The following STRA6 variants were observed in gnomAD, a reference collection of about 807,000 sequenced individuals.
STRA6 encodes signaling receptor and transporter of retinol STRA6, also known as receptor for retinol uptake STRA6.
Under a neutral mutation model 83.6 loss-of-function variants are expected in STRA6, and 48 were observed. The observed-to-expected ratio is 0.57, with a 90% CI of 0.46 to 0.73. The LOEUF (loss-of-function observed/expected upper bound fraction) is 0.73. Ranked by LOEUF, STRA6 falls within the 30% of genes least tolerant of loss-of-function variation. STRA6 has a pLI of 0.00. For synonymous variants in STRA6, 353 were observed against 362.3 expected (o/e 0.97, Z 0.29); for missense variants, 760 against 838.8 (o/e 0.91, Z 1.16).
chr15:74,197,542 A>G lies in STRA6; in HGVS notation c.181-119T>C, dbSNP rs351218. ...TACCTGCCCAGTGCACACTCATGTG[A>G]CATCTTGGGGACTGGTCAAGGGGTG... On this transcript the variant is annotated intron_variant, in intron 3 of 18. Transcript: ENST00000395105. The G allele has an allele frequency of 1, 1,076,535 of 1,077,616 alleles. 537,736 individuals carry two copies. Among genetic ancestry groups the G allele is most frequent in the East Asian group, 1 (38,802 of 38,802 alleles). 66.8% of individuals were successfully genotyped at this position (1,077,616 alleles called of 1,614,324 possible).
Position 74,180,898 on chromosome 15 carries a change from C to G in STRA6, c.1724G>C (p.Ser575Thr). ...TYRNFLKIEV[S>T]QSHPAMTAFC... The stretch of plus-strand genomic sequence containing the variant: ...GGCTGTCATGGCTGGATGCGACTGG[C>G]TGACTTCAATCTTCAAGAAGTTTCG... Residue 575 changes from serine (S) to threonine (T), a missense_variant, in exon 18 of 19, where the codon AGC becomes ACC. Physicochemically the swap from Ser to Thr is moderately conservative, Grantham distance 58. Coordinates refer to ENST00000395105, the MANE Select transcript of STRA6 (RefSeq NM_022369.4). 1 of 1,614,056 alleles carries G rather than the reference C, an allele frequency of 6.2e-7. No individual in the cohort carries two copies. Among genetic ancestry groups the G allele is most frequent in the Non-Finnish European group, 8.5e-7 (1 of 1,180,010 alleles).
intron 7 of STRA6, chr15:74,194,659 T>C: frequency 4.8e-6 from 4 of 836,798 alleles, no homozygotes; most frequent in African/African-American, 1.8e-5. Context: ...TAGGGACTGT[T>C]TGTCTTGTTC....
At chr15:74,184,158 TG>T (rs1190120153) in intron 13 of STRA6, among the ~76,000 whole-genome samples, 169 bp from the exon 14 acceptor site, 3 of 152,096 alleles carry the variant, frequency 2.0e-5, no homozygotes, top group African/African-American at 7.2e-5. Flanking sequence ...CCAAGATATC[TG>T]GAAGAGGTGA....
At chr15:74,201,024 A>G (rs1383839742) in intron 2 of STRA6, among the ~76,000 whole-genome samples, 2 of 152,188 alleles carry the variant, frequency 1.3e-5, no homozygotes, top group Admixed American at 1.3e-4. Context: ...GGCCACACAT[A>G]CACAGCAGGA....
chr15:74,187,909 C>T (rs1010468468), intron 12 of STRA6, among the ~76,000 whole-genome samples: 6 of 152,148 alleles, frequency 3.9e-5, no homozygotes, highest in Non-Finnish European at 7.3e-5. Context: ...ATCAATGATG[C>T]TGACCTACAG....
intron 15 of STRA6, 36 bp from the exon 16 acceptor site, chr15:74,182,298 G>T: frequency 6.2e-7 from 1 of 1,613,890 alleles, no homozygotes; most frequent in South Asian, 1.1e-5. Flanking sequence ...GCTGTTAGCG[G>T]ACCTCTAAGG....
At position 74,185,137 on chromosome 15, in the gene STRA6, G is replaced by A. The variant is rs911669303; in HGVS notation, c.1091-82C>T. On this transcript the variant is annotated intron_variant, in intron 12 of 18. Coordinates refer to ENST00000395105, the MANE Select transcript of STRA6 (RefSeq NM_022369.4). ...GCCTCAGAACCCCTGCCAGGGTGGT[G>A]CCTTGTGGGGAGTTCCCCCTGCCCC... The A allele has an allele frequency of 5.0e-6, 7 of 1,397,450 alleles. No individual in the cohort carries two copies. The African/African-American group carries it at 5.7e-5, about 11-fold the overall frequency. 86.6% of individuals were successfully genotyped at this position (1,397,450 alleles called of 1,614,324 possible).
upstream of STRA6, chr15:74,202,790 C>A: frequency 1.8e-6 from 2 of 1,134,566 alleles, no homozygotes; most frequent in Non-Finnish European, 2.2e-6. Flanking sequence ...CACTGCCTGC[C>A]TGGGCCCTCC....
chr15:74,181,431 A>C lies in STRA6; in HGVS notation c.1548T>G (p.Leu516=). The C allele has an allele frequency of 1.2e-6, 2 of 1,613,298 alleles. No homozygotes were observed. Among genetic ancestry groups the C allele is most frequent in the Non-Finnish European group, 1.7e-6 (2 of 1,179,654 alleles). The change falls in exon 17 of 19, where the codon CTT becomes CTG. Residue 516 remains leucine (L), a synonymous_variant. Coordinates refer to ENST00000395105, the MANE Select transcript of STRA6 (RefSeq NM_022369.4). ...CCACCAGCACATTGAGGGGGAAGAG[A>C]AGAAAGGTGGCTGCATAGAGCACTC... ...NRRVLYAATF[L]LFPLNVLVGA... is the part of the protein sequence containing the mutation.
intron 12 of STRA6, 59 bp downstream of exon 12, chr15:74,189,056 T>A (rs2073397704): frequency 7.5e-6 from 12 of 1,602,452 alleles, no homozygotes; most frequent in Non-Finnish European, 1.0e-5. Context: ...GGCATAGACC[T>A]TGGGTCTCCC....
In STRA6 at chr15:74,181,277, C is replaced by T. The variant is rs751112020; in HGVS notation, c.1684+18G>A. 12 of 1,612,102 alleles carry T rather than the reference C, an allele frequency of 7.4e-6. No homozygotes were observed. The highest frequency in any genetic ancestry group is 1.0e-5 in the Non-Finnish European group (12 of 1,179,748). On this transcript the variant is annotated intron_variant, in intron 17 of 18. Coordinates refer to ENST00000395105, the MANE Select transcript of STRA6 (RefSeq NM_022369.4). ...TGGGTAGCCTGAGCAATCCTCCAGC[C>T]CCGCCCAGTGACCTTACCGGGGTCG... is the stretch of plus-strand genomic sequence containing the variant.
chr15:74,191,623 A>C, intron 8 of STRA6, 132 bp from the exon 9 acceptor site: 1 of 784,472 alleles, frequency 1.3e-6, no homozygotes, highest in East Asian at 2.6e-5. Context: ...GGTGGTGGTG[A>C]GTGTGGATGG....
At chr15:74,208,871 A>C in exon 1 of STRA6, 1 of 988,876 alleles carries the variant, frequency 1.0e-6, no homozygotes, top group Non-Finnish European at 1.2e-6. Context: ...TCTCCCGGAA[A>C]CTTGTCCCTC....
Position 74,188,268 on chromosome 15 carries a change from C to T in STRA6, c.1090+847G>A, listed in dbSNP as rs1029452273. Among the ~76,000 whole-genome samples, 3 of 152,250 alleles carry T rather than the reference C, an allele frequency of 2.0e-5. No homozygotes were observed. Among genetic ancestry groups the T allele is most frequent in the Admixed American group, 2.0e-4 (3 of 15,292 alleles). ...GTCAGGTACAGCTGCGGAGCAGCTA[C>T]ACCTCCACCTGCAACGCTGGCAGCC... On this transcript the variant is annotated intron_variant, in intron 12 of 18. Transcript: ENST00000395105. This position sits in a 1 kb window ranked among gnomAD's most constrained non-coding sequence, Gnocchi z 4.5.
upstream of STRA6, among the ~76,000 whole-genome samples, chr15:74,211,558 G>T (rs898512927): frequency 1.3e-5 from 2 of 152,000 alleles, no homozygotes; most frequent in African/African-American, 4.8e-5. Context: ...GCACCACCAT[G>T]CCCGGCTGAA....
intron 1 of STRA6, 54 bp from the exon 2 acceptor site, chr15:74,202,336 TAA>T: frequency 6.3e-7 from 1 of 1,577,078 alleles, no homozygotes; most frequent in Non-Finnish European, 8.6e-7. Context: ...AAAAGAGGCT[TAA>T]AAGAGAAAAA....
upstream of STRA6, among the ~76,000 whole-genome samples, chr15:74,205,082 A>G (rs1480968322): frequency 6.6e-6 from 1 of 152,192 alleles, no homozygotes; most frequent in Non-Finnish European, 1.5e-5. Flanking sequence ...CTTAGGGGAG[A>G]CAACACCAGA....
At chr15:74,205,836 G>C (rs371755694), upstream of STRA6, among the ~76,000 whole-genome samples, 6 of 152,328 alleles carry the variant, frequency 3.9e-5, no homozygotes, top group Middle Eastern at 3.4e-3. Context: ...CTAAGCAGAG[G>C]GGAGGAAATG....
At position 74,190,827 on chromosome 15, in the gene STRA6, G is replaced by A; in HGVS notation, c.927+13C>T. The A allele has an allele frequency of 1.2e-6, 2 of 1,614,094 alleles. No homozygotes were observed. The highest frequency in any genetic ancestry group is 2.7e-5 in the African/African-American group (2 of 75,028). On this transcript the variant is annotated intron_variant, in intron 11 of 18. Transcript: ENST00000395105. ...CTCCAGAGGCAGATGGCAGTACAGGGTGAGGGACATACCTGGTAAATGGCC... is the reference window on the plus strand; with the variant it reads ...CTCCAGAGGCAGATGGCAGTACAGGATGAGGGACATACCTGGTAAATGGCC...
Sources: gnomAD v4.1 joint callset for allele counts (sites outside exome capture counted in the v4.1 genomes callset) on GRCh38, gnomAD v4.1.1 for gene constraint, Gnocchi (gnomAD v3.1) non-coding constraint, MANE v1.5 for transcripts, NCBI Gene and HGNC (gene_info 2026-07-23, HGNC 2026-07-21) for gene names.